ST6GALNAC3: variants seen among roughly 807,000 people sequenced by gnomAD.
ST6GALNAC3 encodes alpha-N-acetylgalactosaminide alpha-2,6-sialyltransferase 3.
A neutral mutation model predicts 32.7 loss-of-function variants in ST6GALNAC3; 25 were observed. The observed-to-expected ratio is 0.76, with a 90% CI of 0.56 to 1.07. The LOEUF (loss-of-function observed/expected upper bound fraction) is 1.07, where lower values mean the gene tolerates loss of function less well. Among genes scored for constraint, ST6GALNAC3 ranks in the 50% least tolerant of loss-of-function variants. The probability of loss-of-function intolerance (pLI) is 0.00; values close to 1 mark genes in which losing one functional copy is unlikely to be tolerated. For missense variants in ST6GALNAC3, 355 were observed against 382.4 expected (o/e 0.93, Z 0.60); for synonymous variants, 129 against 133.1 (o/e 0.97, Z 0.21).
At chr1:76,296,166 G>A (rs1004058237) in intron 1 of ST6GALNAC3, among the ~76,000 whole-genome samples, 3 of 151,990 alleles carry the variant, frequency 2.0e-5, no homozygotes, top group African/African-American at 7.2e-5. Context: ...AGTCAAAACT[G>A]GTTTCTTTAA....
chr1:76,460,405 C>A (rs1057181936), intron 3 of ST6GALNAC3, among the ~76,000 whole-genome samples: 1 of 152,130 alleles, frequency 6.6e-6, no homozygotes, highest in Non-Finnish European at 1.5e-5. Flanking sequence ...GGAAATCACA[C>A]AACTTGGGAA....
At chr1:76,341,666 T>TTTCA (rs1648027050) in intron 2 of ST6GALNAC3, among the ~76,000 whole-genome samples, 1 of 145,394 alleles carries the variant, frequency 6.9e-6, no homozygotes, top group Non-Finnish European at 1.5e-5. Context: ...TCTTTCTTTC[T>TTTCA]TTCTTTCTTT....
At chr1:76,191,495 A>G (rs183887375) in intron 1 of ST6GALNAC3, among the ~76,000 whole-genome samples, 2 of 152,270 alleles carry the variant, frequency 1.3e-5, no homozygotes, top group African/African-American at 2.4e-5. Context: ...AAGATGTGAT[A>G]TATTATAAAA....
intron 2 of ST6GALNAC3, among the ~76,000 whole-genome samples, chr1:76,325,978 G>T (rs1647061374): frequency 6.6e-6 from 1 of 151,852 alleles, no homozygotes; most frequent in Non-Finnish European, 1.5e-5. Context: ...ATTTTATTAA[G>T]TAGATGGGAA....
chr1:76,217,688 TC>T (rs1655544521), intron 1 of ST6GALNAC3, among the ~76,000 whole-genome samples: 1 of 152,158 alleles, frequency 6.6e-6, no homozygotes, highest in South Asian at 2.1e-4. Flanking sequence ...TTCTCCTGAG[TC>T]CCCAAAGTCC....
intron 1 of ST6GALNAC3, among the ~76,000 whole-genome samples, chr1:76,128,055 A>T (rs1231071175): frequency 6.6e-6 from 1 of 152,078 alleles, no homozygotes; most frequent in African/African-American, 2.4e-5. Context: ...CCAGGTGGGG[A>T]TTATCAACCT....
At chr1:76,334,272 T>C (rs1014972772) in intron 2 of ST6GALNAC3, among the ~76,000 whole-genome samples, 8 of 152,226 alleles carry the variant, frequency 5.3e-5, no homozygotes, top group African/African-American at 1.9e-4. Context: ...TGTAACTATA[T>C]ATGTCTAGTT....
chr1:76,607,594 C>T (rs904961723), intron 3 of ST6GALNAC3, among the ~76,000 whole-genome samples: 5 of 152,184 alleles, frequency 3.3e-5, no homozygotes, highest in African/African-American at 1.2e-4. Context: ...ATGTTCCTAT[C>T]GTCCCTATCA....
intron 2 of ST6GALNAC3, among the ~76,000 whole-genome samples, chr1:76,334,799 C>T (rs757692496): frequency 6.6e-6 from 1 of 152,130 alleles, no homozygotes; most frequent in Non-Finnish European, 1.5e-5. Flanking sequence ...TGAGGTAAAA[C>T]ACCAATTGAT....
At chr1:76,625,360 C>T (rs12129945) in intron 3 of ST6GALNAC3, among the ~76,000 whole-genome samples, 26,375 of 151,694 alleles carry the variant, frequency 0.17, 2,652 homozygotes, top group Middle Eastern at 0.33. Flanking sequence ...TTTTCCTCAT[C>T]ATATAGAAAC....
rs1427394798 is a variant in ST6GALNAC3 at position 76,494,358 on chromosome 1, C to T, written c.623+81941C>T. 2.1e-5 allele frequency among the ~76,000 whole-genome samples: 3 copies of T among 146,110 alleles called. No individual in the cohort carries two copies. In the East Asian group the frequency reaches 6.1e-4, roughly 30 times the overall value. On this transcript the variant is annotated intron_variant, in intron 3 of 4. Coordinates refer to ENST00000328299, the MANE Select transcript of ST6GALNAC3 (RefSeq NM_152996.4). The stretch of plus-strand genomic sequence containing the variant: ...AATTAGGTTTTCTAATCTATTTGTT[C>T]ATTCACAAATATTTATTGAGTGTAT...
intron 2 of ST6GALNAC3, among the ~76,000 whole-genome samples, chr1:76,405,650 C>A (rs1440663723): frequency 6.6e-6 from 1 of 151,200 alleles, no homozygotes; most frequent in Non-Finnish European, 1.5e-5. Flanking sequence ...AATGGAGGAA[C>A]AGAAGGGTTC....
intron 1 of ST6GALNAC3, among the ~76,000 whole-genome samples, chr1:76,179,812 C>G (rs1653067147): frequency 6.6e-6 from 1 of 152,228 alleles, no homozygotes; most frequent in Non-Finnish European, 1.5e-5. Context: ...GCTGCTGCCT[C>G]TGGGCCCCTC....
intron 1 of ST6GALNAC3, chr1:76,142,896 A>G: frequency 2.2e-6 from 1 of 454,992 alleles, no homozygotes; most frequent in Non-Finnish European, 4.4e-6. Context: ...GTCAATTCAC[A>G]TGGAGGATTA....
At chr1:76,307,746 T>C (rs1228419386) in intron 1 of ST6GALNAC3, among the ~76,000 whole-genome samples, 2 of 152,148 alleles carry the variant, frequency 1.3e-5, no homozygotes. Context: ...AAAGATTTTA[T>C]TTTGTGGTTA....
intron 3 of ST6GALNAC3, among the ~76,000 whole-genome samples, chr1:76,481,443 A>C (rs926487838): frequency 2.0e-5 from 3 of 152,192 alleles, no homozygotes; most frequent in African/African-American, 7.2e-5. Context: ...CAAGTCTGTA[A>C]CTTTAAGTAG....
At chr1:76,607,688 T>C (rs1647651271) in intron 3 of ST6GALNAC3, among the ~76,000 whole-genome samples, 1 of 152,164 alleles carries the variant, frequency 6.6e-6, no homozygotes, top group African/African-American at 2.4e-5. Flanking sequence ...TACATCACAA[T>C]ATCATAGTAT....
intron 2 of ST6GALNAC3, among the ~76,000 whole-genome samples, chr1:76,385,928 T>C (rs776304434): frequency 2.3e-4 from 35 of 152,258 alleles, no homozygotes; most frequent in Middle Eastern, 3.4e-3. Flanking sequence ...TTTATGACCC[T>C]GAGTTTGCCA....
At chr1:76,184,962 A>T (rs1218897796) in intron 1 of ST6GALNAC3, among the ~76,000 whole-genome samples, 1 of 152,252 alleles carries the variant, frequency 6.6e-6, no homozygotes, top group Non-Finnish European at 1.5e-5. Flanking sequence ...TCATGAGAGC[A>T]GCAGGTACCA....
Sources: allele counts gnomAD v4.1 joint callset (sites outside exome capture counted in the v4.1 genomes callset), GRCh38; gene constraint gnomAD v4.1.1; transcripts MANE v1.5; gene names NCBI Gene and HGNC (gene_info 2026-07-23, HGNC 2026-07-21).